Variants in CCDC88A observed in about 807,000 individuals in gnomAD.
The protein encoded by CCDC88A is coiled-coil and HOOK domain protein 88A, also known as girdin.
In CCDC88A, 54 loss-of-function variants were observed where a neutral mutation model predicts 234.3. The ratio of observed to expected loss-of-function variants is 0.23; its 90% confidence interval spans 0.19 to 0.29. The LOEUF (loss-of-function observed/expected upper bound fraction) is 0.29. Among genes scored for constraint, CCDC88A ranks in the 10% least tolerant of loss-of-function variants. The pLI, the probability that CCDC88A is intolerant of heterozygous loss-of-function variation, is 1.00. For synonymous variants in CCDC88A, 753 were observed against 737.8 expected, an observed-to-expected ratio of 1.02 and a Z score of -0.33; for missense variants, 1,832 against 2,123.4, an observed-to-expected ratio of 0.86 and a Z score of 2.70.
At chr2:55,297,996 T>A (rs1680400591) in intron 29 of CCDC88A, among the ~76,000 whole-genome samples, 1 of 152,232 alleles carries the variant, frequency 6.6e-6, no homozygotes, top group Non-Finnish European at 1.5e-5. Flanking sequence ...ATCATCTTAT[T>A]GTTCTTGCTG....
intron 7 of CCDC88A, among the ~76,000 whole-genome samples, chr2:55,358,778 G>GA (rs35283631): frequency 0.12 from 17,390 of 149,958 alleles, 1,185 homozygotes; most frequent in East Asian, 0.31. Context: ...TCAACCCAGG[G>GA]AAAAAAAAAA....
rs550801914 is a variant in CCDC88A at position 55,383,364 on chromosome 2, G to GTCCCA, written c.273+5409_273+5413dup. On this transcript the variant is annotated intron_variant, in intron 3 of 32. Coordinates refer to ENST00000436346, the MANE Select transcript of CCDC88A (RefSeq NM_001365480.1). ...CCCGGCACGGTGGCTCATGCCTGTA[G>GTCCCA]TCCCAGCATTTTGGGAGGCCAAGGA... 5.0e-3 allele frequency among the ~76,000 whole-genome samples: 766 copies of GTCCCA among 152,014 alleles called. 10 individuals are homozygous for GTCCCA. The highest frequency in any genetic ancestry group is 0.018 in the African/African-American group (740 of 41,498).
chr2:55,349,394 C>T, intron 9 of CCDC88A, 124 bp downstream of exon 9: 1 of 700,544 alleles, frequency 1.4e-6, no homozygotes, highest in East Asian at 2.8e-5. Context: ...CATCCAATCT[C>T]TTGAAGCCTC....
chr2:55,301,472 T>G (rs1680895075), intron 27 of CCDC88A, 195 bp from the exon 28 acceptor site: 1 of 522,556 alleles, frequency 1.9e-6, no homozygotes, highest in Non-Finnish European at 3.3e-6. Context: ...TTGACTTGCT[T>G]AGGGAAAACA....
At chr2:55,386,664 G>T (rs1675697614) in intron 3 of CCDC88A, among the ~76,000 whole-genome samples, 1 of 151,290 alleles carries the variant, frequency 6.6e-6, no homozygotes, top group East Asian at 2.0e-4. Context: ...TAGAGACAAG[G>T]TTTCGCCATG....
rs555306682 is a variant in CCDC88A, at chr2:55,334,055, T to TA, written c.2727+38dup. 356 of 743,672 alleles carry TA rather than the reference T, an allele frequency of 4.8e-4. No individual in the cohort carries two copies. Among genetic ancestry groups the TA allele is most frequent in the African/African-American group, 8.7e-4 (48 of 55,292 alleles). The allele number at this position is 743,672 out of a possible 1,614,324, so 46.1% of individuals were successfully genotyped here. A position where few individuals can be genotyped will look rare whatever the true frequency, so the allele number is the denominator to read the frequency against. ...TTAAAGAAACCTTGAGTTAAAAATA[T>TA]AAAAAAAAATTTGCCTTAATTTAGG... On this transcript the variant is annotated intron_variant, in intron 15 of 32. Transcript: ENST00000436346. This position sits in a 1 kb window ranked among gnomAD's most constrained non-coding sequence, Gnocchi z 6.1.
chr2:55,376,892 C>G (rs1212532529), intron 3 of CCDC88A, among the ~76,000 whole-genome samples: 1 of 152,088 alleles, frequency 6.6e-6, no homozygotes, highest in South Asian at 2.1e-4. Context: ...AGTGCAGTGG[C>G]GCGATCTTGG....
At chr2:55,300,953 T>C (rs942703371) in intron 28 of CCDC88A, 2 of 345,718 alleles carry the variant, frequency 5.8e-6, no homozygotes, top group East Asian at 9.8e-5. Flanking sequence ...GGTAAGAAAA[T>C]TACCTTTGAA....
chr2:55,311,621 G>A (rs764908757), intron 23 of CCDC88A, among the ~76,000 whole-genome samples: 1 of 152,224 alleles, frequency 6.6e-6, no homozygotes, highest in Non-Finnish European at 1.5e-5. Flanking sequence ...ATTAGAAGCT[G>A]TCTAATTTCA....
At chr2:55,399,500 C>A (rs1678230809) in intron 2 of CCDC88A, among the ~76,000 whole-genome samples, 1 of 143,720 alleles carries the variant, frequency 7.0e-6, no homozygotes, top group African/African-American at 2.6e-5. Flanking sequence ...GTACTCCAGC[C>A]TGGGCGACAG....
At chr2:55,341,061 C>T (rs1668407470) in intron 12 of CCDC88A, among the ~76,000 whole-genome samples, 1 of 150,902 alleles carries the variant, frequency 6.6e-6, no homozygotes, top group Admixed American at 6.6e-5. Context: ...GCACTATTGT[C>T]TTTCTGTGCC....
intron 32 of CCDC88A, 182 bp downstream of exon 32, chr2:55,291,494 T>C: frequency 2.6e-6 from 1 of 386,100 alleles, no homozygotes. Context: ...TTCCTTGCGC[T>C]GACAGGTAAA....
At chr2:55,361,879 C>T (rs751161865) in intron 7 of CCDC88A, 1 of 152,774 alleles carries the variant, frequency 6.5e-6, no homozygotes, top group Non-Finnish European at 1.5e-5. Context: ...ATTCAGAACA[C>T]CTGTTATTCT....
intron 17 of CCDC88A, among the ~76,000 whole-genome samples, chr2:55,326,104 G>C (rs1381858015): frequency 1.3e-5 from 2 of 150,670 alleles, no homozygotes; most frequent in South Asian, 4.2e-4. Context: ...CCATACTTTG[G>C]TTTAAAACTG....
At chr2:55,301,418 GAAACTGGAAC>G (rs1167792244) in intron 27 of CCDC88A, 141 bp from the exon 28 acceptor site, 4 of 14,460 alleles carry the variant, frequency 2.8e-4, no homozygotes, top group African/African-American at 3.3e-4. Context: ...GACTCAACTA[GAAACTGGAAC>G]TAGGAATAAG....
Position 55,334,918 on chromosome 2 carries a change from G to A in CCDC88A, c.1903C>T (p.His635Tyr), listed in dbSNP as rs1373172735. ...ERAEELENEL[H>Y]HLEKENELLQ... ...AATTCATTTTCTTTTTCAAGATGAT[G>A]CAATTCATTTTCAAGTTCTTCAGCT... The change falls in exon 15 of 33, where the codon CAT (histidine) becomes TAT (tyrosine). Residue 635 changes from histidine (H) to tyrosine (Y), a missense_variant. His to Tyr is a moderately conservative substitution (Grantham distance 83). Around this residue, in one of 6 missense-constraint regions of CCDC88A, gnomAD observed 1,282 missense variants for 1,543.6 expected, o/e 0.83. Coordinates refer to ENST00000436346, the MANE Select transcript of CCDC88A (RefSeq NM_001365480.1). The surrounding 1 kb of genome is among the most constrained non-coding windows in gnomAD (Gnocchi z 6.1). The A allele has an allele frequency of 2.0e-6, 3 of 1,515,998 alleles. No individual in the cohort carries two copies. The highest frequency in any genetic ancestry group is 2.7e-6 in the Non-Finnish European group (3 of 1,117,434). 93.9% of individuals were successfully genotyped at this position (1,515,998 alleles called of 1,614,324 possible).
intron 17 of CCDC88A, among the ~76,000 whole-genome samples, chr2:55,327,754 G>A (rs1307180583): frequency 6.6e-6 from 1 of 152,142 alleles, no homozygotes; most frequent in Non-Finnish European, 1.5e-5. Context: ...CTTATATTTT[G>A]ATTTACTTCC....
chr2:55,390,504 G>GCAAC (rs1676471888), intron 2 of CCDC88A, among the ~76,000 whole-genome samples: 1 of 152,168 alleles, frequency 6.6e-6, no homozygotes, highest in Admixed American at 6.5e-5. Flanking sequence ...AGAAAATAAT[G>GCAAC]CAACCAAACT....
rs1377315516 is a variant in CCDC88A at position 55,328,577 on chromosome 2, T to G, written c.2856-142A>C. 8 of 526,368 alleles carry G rather than the reference T, an allele frequency of 1.5e-5. No individual in the cohort carries two copies. Among genetic ancestry groups the G allele is most frequent in the Non-Finnish European group, 2.6e-5 (8 of 312,882 alleles). The allele number at this position is 526,368 out of a possible 1,614,324, so 32.6% of individuals were successfully genotyped here. A position where few individuals can be genotyped will look rare whatever the true frequency, so the allele number is the denominator to read the frequency against. On this transcript the variant is annotated intron_variant, in intron 16 of 32. Transcript: ENST00000436346. The surrounding 1 kb of genome is among the most constrained non-coding windows in gnomAD (Gnocchi z 4.3). ...AAAGAGGCAAATGAAATTATCCTCTTCTTACTGCCCCATTCTCCCTTTAAA... is the reference window on the plus strand; with the variant it reads ...AAAGAGGCAAATGAAATTATCCTCTGCTTACTGCCCCATTCTCCCTTTAAA...
Sources: allele counts gnomAD v4.1 joint callset (sites outside exome capture counted in the v4.1 genomes callset), GRCh38; gene constraint gnomAD v4.1.1; regional missense constraint gnomAD v4.1.1; non-coding constraint Gnocchi (gnomAD v3.1); transcripts MANE v1.5; gene names NCBI Gene and HGNC (gene_info 2026-07-23, HGNC 2026-07-21).